Variants in GDPD3 observed in about 807,000 individuals in gnomAD.
GDPD3 encodes the protein glycerophosphodiester phosphodiesterase domain containing 3.
In GDPD3, 40 loss-of-function variants were observed where a neutral mutation model predicts 43.7. That is an observed-to-expected ratio of 0.91 (90% CI 0.71 to 1.19). The LOEUF (loss-of-function observed/expected upper bound fraction) is 1.19, where lower values mean the gene tolerates loss of function less well. Ranked by LOEUF, GDPD3 falls within the 50% of genes most tolerant of loss-of-function variation. GDPD3 has a pLI of 0.00. For synonymous variants in GDPD3, 145 were observed against 162.9 expected (o/e 0.89, Z 0.84); for missense variants, 363 against 415.8 (o/e 0.87, Z 1.11).
chr16:30,113,499 T>C lies in GDPD3; in HGVS notation c.-21A>G. 1 of 1,520,826 alleles carries C rather than the reference T, an allele frequency of 6.6e-7. No homozygotes were observed. The highest frequency in any genetic ancestry group is 8.9e-7 in the Non-Finnish European group (1 of 1,125,970). 94.2% of individuals were successfully genotyped at this position (1,520,826 alleles called of 1,614,324 possible). A position where few individuals can be genotyped will look rare whatever the true frequency, so the allele number is the denominator to read the frequency against. On this transcript the variant is annotated 5_prime_UTR_variant, in exon 1 of 10. Coordinates refer to ENST00000406256, the MANE Select transcript of GDPD3 (RefSeq NM_024307.3). The surrounding 1 kb of genome is among the most constrained non-coding windows in gnomAD (Gnocchi z 5.9). ...CTCATGACCGTACTCCCACAGAAGC[T>C]CCTGCAGCCACACGCTCAGCCGTCC...
In GDPD3 at chr16:30,112,460, C is replaced by T. The variant is rs1404787073; in HGVS notation, c.365-36G>A. Reference sequence around the variant, plus strand: ...TGTGGGAAAAGGGGTCAGAGGGAAGCCAAGGCGGAGGTCCAAGGAAGGCAG... The same window carrying T: ...TGTGGGAAAAGGGGTCAGAGGGAAGTCAAGGCGGAGGTCCAAGGAAGGCAG... On this transcript the variant is annotated intron_variant, in intron 4 of 9. Transcript: ENST00000406256. The surrounding 1 kb of genome is among the most constrained non-coding windows in gnomAD (Gnocchi z 5.4). 1.9e-6 allele frequency: 3 copies of T among 1,613,878 alleles called. No homozygotes were observed. In the South Asian group the frequency reaches 3.3e-5, roughly 18 times the overall value.
rs367742795 is a variant in GDPD3 at position 30,111,384 on chromosome 16, G to A, written c.707+4C>T. 74 of 1,613,552 alleles carry A rather than the reference G, an allele frequency of 4.6e-5. No homozygotes were observed. The highest frequency in any genetic ancestry group is 1.0e-5 in the Non-Finnish European group (12 of 1,179,812). ...TTTTTCTGAGGTCCGCCCCCCACTG[G>A]TACCTGTTGATGATGTTGGGCAGGA... On this transcript the variant is annotated splice_donor_region_variant and intron_variant, in intron 7 of 9. Transcript: ENST00000406256.
At chr16:30,107,481 C>T (rs2072868321) in intron 9 of GDPD3, among the ~76,000 whole-genome samples, 1 of 152,044 alleles carries the variant, frequency 6.6e-6, no homozygotes, top group Non-Finnish European at 1.5e-5. Flanking sequence ...GGAACATTCT[C>T]AAGGATCGTT....
At chr16:30,108,165 C>T in intron 9 of GDPD3, 48 bp downstream of exon 9, 1 of 1,518,270 alleles carries the variant, frequency 6.6e-7, no homozygotes, top group Non-Finnish European at 8.9e-7. Flanking sequence ...GGGACCGGAA[C>T]CCTGCTGCCA....
chr16:30,105,472 AT>A (rs1203596851), intron 9 of GDPD3, among the ~76,000 whole-genome samples: 1 of 150,288 alleles, frequency 6.7e-6, no homozygotes, highest in Admixed American at 6.6e-5. Context: ...AAAAAAAAAA[AT>A]TATATATACT....
rs1397733621 is a variant in GDPD3, at chr16:30,112,668, AG to A, written c.307del (p.Leu103TrpfsTer45). ...CAGGGCAGGGCCCACCTCGAAGTCCAGGCTGCCCACATCCCTGTTTAGGCCC... is the reference window on the plus strand; with the variant it reads ...CAGGGCAGGGCCCACCTCGAAGTCCAGCTGCCCACATCCCTGTTTAGGCCC... ...QSGLNRDVGS[L>X]DFEDLPLYKE... On this transcript the variant is annotated frameshift_variant, in exon 3 of 10. Transcript: ENST00000406256. LOFTEE classifies it high-confidence loss of function. This position sits in a 1 kb window ranked among gnomAD's most constrained non-coding sequence, Gnocchi z 5.4. The A allele has an allele frequency of 6.2e-7, 1 of 1,613,962 alleles. No individual in the cohort carries two copies. Among genetic ancestry groups the A allele is most frequent in the Non-Finnish European group, 8.5e-7 (1 of 1,180,012 alleles).
intron 9 of GDPD3, 32 bp downstream of exon 9, chr16:30,108,181 G>A: frequency 6.4e-7 from 1 of 1,555,538 alleles, no homozygotes; most frequent in East Asian, 2.3e-5. Context: ...TGCCAGGTCT[G>A]TGTGCGGTGG....
At position 30,110,860 on chromosome 16, in the gene GDPD3, C is replaced by CAA. The variant is rs10523466; in HGVS notation, c.707+526_707+527dup. 2.2e-3 allele frequency: 197 copies of CAA among 88,472 alleles called. 9 individuals are homozygous for CAA. The highest frequency in any genetic ancestry group is 4.9e-3 in the East Asian group (15 of 3,088). 5.5% of individuals were successfully genotyped at this position (88,472 alleles called of 1,614,324 possible). ...CATTCCAGCCCGAGCAAGACTGTCT[C>CAA]AAAAAAAAAAAAAAAATTGTAAAGC... On this transcript the variant is annotated intron_variant, in intron 7 of 9. Transcript: ENST00000406256.
intron 7 of GDPD3, among the ~76,000 whole-genome samples, chr16:30,110,064 C>A (rs1350086294): frequency 1.3e-5 from 2 of 152,100 alleles, no homozygotes; most frequent in African/African-American, 4.8e-5. Context: ...TCTAGGGTAC[C>A]ATGGGAGTCA....
rs1882554615 is a variant in GDPD3, at chr16:30,112,596, G to A, written c.319-28C>T. ...GGGGAGGACAGGAAGGATGTCACTA[G>A]AGGCCCGCATTGGGCATGGTGACTC... On this transcript the variant is annotated intron_variant, in intron 3 of 9. Coordinates refer to ENST00000406256, the MANE Select transcript of GDPD3 (RefSeq NM_024307.3). The surrounding 1 kb of genome is among the most constrained non-coding windows in gnomAD (Gnocchi z 5.4). The A allele has an allele frequency of 3.1e-6, 5 of 1,614,148 alleles. No homozygotes were observed. The highest frequency in any genetic ancestry group is 4.2e-6 in the Non-Finnish European group (5 of 1,180,004).
rs778036969 is a variant in GDPD3 at position 30,112,114 on chromosome 16, A to C, written c.573+18T>G. On this transcript the variant is annotated intron_variant, in intron 6 of 9. Transcript: ENST00000406256. The surrounding 1 kb of genome is among the most constrained non-coding windows in gnomAD (Gnocchi z 5.4). ...CCCTGGAGGAGGAAGAGGACGGGGGAGGGGTGGGGGGACTCACGGCAGCCT... is the reference window on the plus strand; with the variant it reads ...CCCTGGAGGAGGAAGAGGACGGGGGCGGGGTGGGGGGACTCACGGCAGCCT... The C allele has an allele frequency of 3.3e-6, 5 of 1,531,014 alleles. No homozygotes were observed. Among genetic ancestry groups the C allele is most frequent in the Non-Finnish European group, 4.5e-6 (5 of 1,120,392 alleles). 94.8% of individuals were successfully genotyped at this position (1,531,014 alleles called of 1,614,324 possible). A position where few individuals can be genotyped will look rare whatever the true frequency, so the allele number is the denominator to read the frequency against.
In GDPD3 at chr16:30,113,118, C is replaced by G; in HGVS notation, c.140-54G>C. The stretch of plus-strand genomic sequence containing the variant: ...GGGCTTGGGGTCTAGGGGCCTGGCC[C>G]AACCTCATCACCCACATTCCCTCTC... On this transcript the variant is annotated intron_variant, in intron 1 of 9. Transcript: ENST00000406256. This position sits in a 1 kb window ranked among gnomAD's most constrained non-coding sequence, Gnocchi z 5.9. 2 of 1,505,576 alleles carry G rather than the reference C, an allele frequency of 1.3e-6. No homozygotes were observed. Among genetic ancestry groups the G allele is most frequent in the South Asian group, 2.3e-5 (2 of 86,320 alleles). The allele number at this position is 1,505,576 out of a possible 1,614,324, so 93.3% of individuals were successfully genotyped here. A position where few individuals can be genotyped will look rare whatever the true frequency, so the allele number is the denominator to read the frequency against.
intron 7 of GDPD3, among the ~76,000 whole-genome samples, chr16:30,109,762 A>G (rs2072886704): frequency 6.6e-6 from 1 of 152,092 alleles, no homozygotes; most frequent in East Asian, 1.9e-4. Context: ...CCAAGATGGC[A>G]CCATTGCACT....
Position 30,104,815 on chromosome 16 carries a change from G to C in GDPD3, c.*57C>G. On this transcript the variant is annotated 3_prime_UTR_variant, in exon 10 of 10. Coordinates refer to ENST00000406256, the MANE Select transcript of GDPD3 (RefSeq NM_024307.3). Reference sequence around the variant, plus strand: ...TCACCCTCAGCACAACGATGTGATCGAAAGGCAAATATTTATTTTTCAGGA... The same window carrying C: ...TCACCCTCAGCACAACGATGTGATCCAAAGGCAAATATTTATTTTTCAGGA... 1 of 1,576,284 alleles carries C rather than the reference G, an allele frequency of 6.3e-7. No individual in the cohort carries two copies. Among genetic ancestry groups the C allele is most frequent in the Non-Finnish European group, 8.7e-7 (1 of 1,148,976 alleles).
chr16:30,112,039 C>G lies in GDPD3; in HGVS notation c.573+93G>C. On this transcript the variant is annotated intron_variant, in intron 6 of 9. Coordinates refer to ENST00000406256, the MANE Select transcript of GDPD3 (RefSeq NM_024307.3). This position sits in a 1 kb window ranked among gnomAD's most constrained non-coding sequence, Gnocchi z 5.4. ...CCACTGGGAACTCTCCCAGACCCCT[C>G]TAGCTCGGGTCCCCATGCTGGGTGG... The G allele has an allele frequency of 1.0e-6, 1 of 987,182 alleles. No homozygotes were observed. Among genetic ancestry groups the G allele is most frequent in the Non-Finnish European group, 1.6e-6 (1 of 631,378 alleles). 61.2% of individuals were successfully genotyped at this position (987,182 alleles called of 1,614,324 possible).
At chr16:30,106,596 A>G (rs2072862579) in intron 9 of GDPD3, among the ~76,000 whole-genome samples, 1 of 152,142 alleles carries the variant, frequency 6.6e-6, no homozygotes, top group Admixed American at 6.5e-5. Flanking sequence ...CAGTGGTGTA[A>G]TCACAGCCCA....
At chr16:30,111,632 G>C in intron 6 of GDPD3, 111 bp from the exon 7 acceptor site, 1 of 1,204,334 alleles carries the variant, frequency 8.3e-7, no homozygotes, top group South Asian at 1.4e-5. Flanking sequence ...CTACCTGCAG[G>C]ATCCAAGTCA....
In GDPD3 at chr16:30,113,523, C is replaced by A. The variant is rs779867157; in HGVS notation, c.-45G>T. 6.7e-7 allele frequency: 1 copy of A among 1,499,208 alleles called. No homozygotes were observed. Among genetic ancestry groups the A allele is most frequent in the South Asian group, 1.3e-5 (1 of 74,808 alleles). 92.9% of individuals were successfully genotyped at this position (1,499,208 alleles called of 1,614,324 possible). A position where few individuals can be genotyped will look rare whatever the true frequency, so the allele number is the denominator to read the frequency against. On this transcript the variant is annotated 5_prime_UTR_variant, in exon 1 of 10. Coordinates refer to ENST00000406256, the MANE Select transcript of GDPD3 (RefSeq NM_024307.3). The surrounding 1 kb of genome is among the most constrained non-coding windows in gnomAD (Gnocchi z 5.9). Reference sequence around the variant, plus strand: ...CTCCTGCAGCCACACGCTCAGCCGTCCGCGGGACTGTGCTGCCTGCCTAGC... The same window carrying A: ...CTCCTGCAGCCACACGCTCAGCCGTACGCGGGACTGTGCTGCCTGCCTAGC...
chr16:30,105,293 CTT>C (rs1031131807), intron 9 of GDPD3, among the ~76,000 whole-genome samples: 1 of 151,886 alleles, frequency 6.6e-6, no homozygotes, highest in African/African-American at 2.4e-5. Flanking sequence ...CTACAAAAAA[CTT>C]TGTAAAAATT....
Sources: allele counts gnomAD v4.1 joint callset (sites outside exome capture counted in the v4.1 genomes callset), GRCh38; gene constraint gnomAD v4.1.1; non-coding constraint Gnocchi (gnomAD v3.1); transcripts MANE v1.5; gene names NCBI Gene and HGNC (gene_info 2026-07-23, HGNC 2026-07-21).